IL1RAPL1: variants seen among roughly 807,000 people sequenced by gnomAD.
IL1RAPL1 encodes the protein interleukin 1 receptor accessory protein like 1.
Under a neutral mutation model 48.4 loss-of-function variants are expected in IL1RAPL1, and 3 were observed. The ratio of observed to expected loss-of-function variants is 0.06; its 90% CI spans 0.03 to 0.16. The LOEUF is 0.16. Ranked by LOEUF, IL1RAPL1 falls within the 10% of genes least tolerant of loss-of-function variation. The pLI is 1.00. For missense variants in IL1RAPL1, 349 were observed against 530.6 expected (o/e 0.66, Z 3.36); for synonymous variants, 185 against 187.7 (o/e 0.99, Z 0.12).
chrX:29,829,365 G>A (rs1470241731), intron 6 of IL1RAPL1, among the ~76,000 whole-genome samples: 19 of 111,297 alleles, frequency 1.7e-4, no homozygotes, highest in Non-Finnish European at 7.5e-5. Flanking sequence ...AGGACTTGAG[G>A]ACATGTTTCC....
chrX:28,999,005 G>T (rs1925785113), intron 2 of IL1RAPL1, among the ~76,000 whole-genome samples: 1 of 111,812 alleles, frequency 8.9e-6, no homozygotes, highest in African/African-American at 3.3e-5. Context: ...ACTGTTATTT[G>T]TGAGCTTTCC....
chrX:28,901,694 G>A (rs1923078831), intron 2 of IL1RAPL1, among the ~76,000 whole-genome samples: 1 of 111,995 alleles, frequency 8.9e-6, no homozygotes, highest in Non-Finnish European at 1.9e-5. Flanking sequence ...ATTCATGAAA[G>A]TTTGAGGTAT....
At chrX:28,720,724 A>G (rs1400291200) in intron 1 of IL1RAPL1, among the ~76,000 whole-genome samples, 2 of 111,319 alleles carry the variant, frequency 1.8e-5, no homozygotes, top group African/African-American at 3.3e-5. Context: ...TACATTAGGT[A>G]TATCTCCTAA....
chrX:28,714,198 T>C (rs1440760146), intron 1 of IL1RAPL1, among the ~76,000 whole-genome samples: 1 of 111,965 alleles, frequency 8.9e-6, no homozygotes, highest in East Asian at 2.8e-4. Flanking sequence ...GAATCCCTAC[T>C]TAGCTACTTT....
intron 3 of IL1RAPL1, among the ~76,000 whole-genome samples, chrX:29,357,652 G>T (rs1249544656): frequency 1.8e-5 from 2 of 111,874 alleles, no homozygotes. Context: ...AAAATGTAGG[G>T]CTACTAAGCA....
At chrX:29,715,804 C>G (rs1438966188) in intron 6 of IL1RAPL1, among the ~76,000 whole-genome samples, 3 of 112,136 alleles carry the variant, frequency 2.7e-5, no homozygotes, top group Non-Finnish European at 5.6e-5. Flanking sequence ...TTCAATCTAT[C>G]TATTCAATAA....
intron 2 of IL1RAPL1, among the ~76,000 whole-genome samples, chrX:29,065,152 C>CTT (rs59062867): frequency 6.8e-4 from 69 of 101,969 alleles, no homozygotes; most frequent in Middle Eastern, 0.011. Flanking sequence ...TGCCTTTATA[C>CTT]TTTTTTTTTT....
intron 1 of IL1RAPL1, among the ~76,000 whole-genome samples, chrX:28,783,935 A>G (rs1936448333): frequency 9.0e-6 from 1 of 111,543 alleles, no homozygotes; most frequent in Non-Finnish European, 1.9e-5. Flanking sequence ...CTTCCATGTA[A>G]TCCTTGCCAC....
chrX:29,683,091 C>T, intron 6 of IL1RAPL1, among the ~76,000 whole-genome samples: 1 of 112,038 alleles, frequency 8.9e-6, no homozygotes, highest in East Asian at 2.8e-4. Flanking sequence ...GAGTTTCAGG[C>T]AGATCTCTAA....
At chrX:29,921,262 A>G (rs878894153) in intron 8 of IL1RAPL1, among the ~76,000 whole-genome samples, 2 of 112,436 alleles carry the variant, frequency 1.8e-5, no homozygotes, top group Admixed American at 1.9e-4. Flanking sequence ...GAACAAGCAC[A>G]CTTGATGTTC....
At chrX:28,935,701 G>A (rs906284968) in intron 2 of IL1RAPL1, among the ~76,000 whole-genome samples, 4 of 111,865 alleles carry the variant, frequency 3.6e-5, no homozygotes, top group African/African-American at 1.3e-4. Context: ...TGTGGACACT[G>A]GTTTATCTTC....
intron 5 of IL1RAPL1, among the ~76,000 whole-genome samples, chrX:29,412,580 T>G (rs191138476): frequency 8.9e-6 from 1 of 112,593 alleles, no homozygotes; most frequent in East Asian, 2.8e-4. Context: ...TGATTTTACC[T>G]CTTTTCACTT....
Position 29,447,967 on chromosome X carries a change from T to C in IL1RAPL1, c.703+48659T>C, listed in dbSNP as rs765568173. On this transcript the variant is annotated intron_variant, in intron 5 of 10. Coordinates refer to ENST00000378993, the MANE Select transcript of IL1RAPL1 (RefSeq NM_014271.4). Reference sequence around the variant, plus strand: ...TAAGTGGAAAGACAAGAAATGTTTTTGGTAGAAGAAATTGCATAAGCAAGC... The same window carrying C: ...TAAGTGGAAAGACAAGAAATGTTTTCGGTAGAAGAAATTGCATAAGCAAGC... Among the ~76,000 whole-genome samples the C allele has an allele frequency of 8.0e-5, 9 of 112,157 alleles. No homozygotes were observed. In the South Asian group the frequency reaches 3.3e-3, roughly 41 times the overall value.
At chrX:29,918,144 A>AATATATATATATATAT (rs748970921) in intron 7 of IL1RAPL1, among the ~76,000 whole-genome samples, 3 of 23,759 alleles carry the variant, frequency 1.3e-4, no homozygotes, top group African/African-American at 4.8e-4. Flanking sequence ...AAAAAAAAAA[A>AATATATATATATATAT]ATATATATAT....
intron 5 of IL1RAPL1, among the ~76,000 whole-genome samples, chrX:29,667,575 C>A (rs1241698876): frequency 2.7e-5 from 3 of 111,831 alleles, no homozygotes; most frequent in African/African-American, 9.7e-5. Context: ...GAGGGCAGGG[C>A]AGAGTGAGGA....
chrX:29,000,944 G>T (rs1602004620), intron 2 of IL1RAPL1, among the ~76,000 whole-genome samples: 1 of 105,725 alleles, frequency 9.5e-6, no homozygotes, highest in East Asian at 3.0e-4. Flanking sequence ...ATCTTCAGGT[G>T]ATCTTTTCAT....
At position 29,570,176 on chromosome X, in the gene IL1RAPL1, C is replaced by T. The variant is rs563767131; in HGVS notation, c.704-98254C>T. ...AACTGTGAGATTTACATTTTAGAAA[C>T]ATTTCCTAGAAATATCATGGGAAAA... On this transcript the variant is annotated intron_variant, in intron 5 of 10. Coordinates refer to ENST00000378993, the MANE Select transcript of IL1RAPL1 (RefSeq NM_014271.4). Among the ~76,000 whole-genome samples, 9 of 111,985 alleles carry T rather than the reference C, an allele frequency of 8.0e-5. No homozygotes were observed. In the South Asian group the frequency reaches 3.4e-3, roughly 42 times the overall value.
intron 6 of IL1RAPL1, among the ~76,000 whole-genome samples, chrX:29,795,027 A>G (rs1569170351): frequency 8.9e-6 from 1 of 112,247 alleles, no homozygotes; most frequent in African/African-American, 3.2e-5. Flanking sequence ...AGTAGGAATC[A>G]AAGTTAATAT....
chrX:29,381,122 T>C (rs1173056535), intron 3 of IL1RAPL1, among the ~76,000 whole-genome samples: 2 of 110,619 alleles, frequency 1.8e-5, no homozygotes, highest in Non-Finnish European at 3.8e-5. Flanking sequence ...TGAAAAGTTT[T>C]TGTTAGTGTT....
Sources: gnomAD v4.1 joint callset for allele counts (sites outside exome capture counted in the v4.1 genomes callset) on GRCh38, gnomAD v4.1.1 for gene constraint, MANE v1.5 for transcripts, NCBI Gene and HGNC (gene_info 2026-07-23, HGNC 2026-07-21) for gene names.